Variants in PEX5L observed in about 807,000 individuals in gnomAD.
PEX5L encodes the protein peroxisomal biogenesis factor 5 like.
A neutral mutation model predicts 84.0 loss-of-function variants in PEX5L; 30 were observed. The observed-to-expected ratio is 0.36, with a 90% CI of 0.27 to 0.48. The LOEUF (loss-of-function observed/expected upper bound fraction) is 0.48, where lower values mean the gene tolerates loss of function less well. Ranked by LOEUF, PEX5L falls within the 20% of genes least tolerant of loss-of-function variation. The probability of loss-of-function intolerance (pLI) is 0.99; values close to 1 mark genes in which losing one functional copy is unlikely to be tolerated. For missense variants in PEX5L, 533 were observed against 754.6 expected (o/e 0.71, Z 3.44); for synonymous variants, 270 against 283.1 (o/e 0.95, Z 0.46).
chr3:179,890,970 T>G (rs1441154924), intron 3 of PEX5L, among the ~76,000 whole-genome samples: 1 of 150,316 alleles, frequency 6.7e-6, no homozygotes, highest in African/African-American at 2.4e-5. Context: ...TAAAAAAATT[T>G]TTTTTTTTTT....
chr3:180,029,604 C>G (rs1791273684), intron 1 of PEX5L, among the ~76,000 whole-genome samples: 1 of 152,094 alleles, frequency 6.6e-6, no homozygotes, highest in African/African-American at 2.4e-5. Flanking sequence ...TTCGTCTTGC[C>G]TCTGTGATGT....
intron 2 of PEX5L, among the ~76,000 whole-genome samples, chr3:179,923,964 C>T (rs1318415462): frequency 1.3e-5 from 2 of 152,158 alleles, no homozygotes; most frequent in Admixed American, 6.5e-5. Context: ...ATCATGTTTA[C>T]GTCGGCAGTG....
At chr3:179,973,830 G>C (rs1785371618) in intron 1 of PEX5L, 2 of 985,292 alleles carry the variant, frequency 2.0e-6, no homozygotes, top group Non-Finnish European at 2.4e-6. Context: ...CATTTTCCAA[G>C]AGTGGGAGGA....
intron 1 of PEX5L, among the ~76,000 whole-genome samples, chr3:179,993,482 C>T (rs1178983731): frequency 6.6e-6 from 1 of 151,920 alleles, no homozygotes; most frequent in Non-Finnish European, 1.5e-5. Context: ...TATGCACAAC[C>T]TCCCATATAT....
intron 8 of PEX5L, among the ~76,000 whole-genome samples, chr3:179,844,556 C>T (rs1267046336): frequency 2.0e-5 from 3 of 152,162 alleles, no homozygotes; most frequent in Admixed American, 6.5e-5. Flanking sequence ...CAGCTGGGCG[C>T]GGTGGCTCAC....
At chr3:179,916,287 T>C (rs760443909) in intron 2 of PEX5L, among the ~76,000 whole-genome samples, 11 of 152,196 alleles carry the variant, frequency 7.2e-5, no homozygotes, top group Non-Finnish European at 1.2e-4. Context: ...CTATATGGTA[T>C]AACCTATTGC....
At chr3:180,035,186 A>G (rs1269101318) in intron 1 of PEX5L, among the ~76,000 whole-genome samples, 2 of 152,188 alleles carry the variant, frequency 1.3e-5, no homozygotes, top group Admixed American at 1.3e-4. Context: ...CAGATAATAT[A>G]TAAAATTGTA....
At chr3:179,904,917 C>G (rs780262384) in intron 2 of PEX5L, among the ~76,000 whole-genome samples, 3 of 152,116 alleles carry the variant, frequency 2.0e-5, no homozygotes, top group Non-Finnish European at 4.4e-5. Flanking sequence ...CTGCTTCCAC[C>G]CTCCTGCATG....
intron 10 of PEX5L, among the ~76,000 whole-genome samples, chr3:179,812,217 T>A (rs1373030742): frequency 6.6e-6 from 1 of 152,114 alleles, no homozygotes; most frequent in Non-Finnish European, 1.5e-5. Context: ...GGGGTGGAAA[T>A]ATAACCCAGA....
At chr3:179,898,100 A>G in intron 3 of PEX5L, 42 bp downstream of exon 3, 2 of 1,219,308 alleles carry the variant, frequency 1.6e-6, no homozygotes, top group Non-Finnish European at 2.4e-6. Flanking sequence ...TGATATATTA[A>G]CATATGTCAG....
At position 179,957,013 on chromosome 3, in the gene PEX5L, T is replaced by A. The variant is rs60635140; in HGVS notation, c.93+14581A>T. On this transcript the variant is annotated intron_variant, in intron 2 of 14. Coordinates refer to ENST00000467460, the MANE Select transcript of PEX5L (RefSeq NM_016559.3). ...AGCCAGTGAAAATCCTGGAAAAAAATTGCCTAAGGATCACCTTGATTCAAT... is the reference window on the plus strand; with the variant it reads ...AGCCAGTGAAAATCCTGGAAAAAAAATGCCTAAGGATCACCTTGATTCAAT... Among the ~76,000 whole-genome samples the A allele has an allele frequency of 5.9e-3, 896 of 152,160 alleles. 7 individuals are homozygous for A. The highest frequency in any genetic ancestry group is 0.021 in the African/African-American group (858 of 41,502).
intron 2 of PEX5L, among the ~76,000 whole-genome samples, chr3:179,906,230 C>G (rs1352216600): frequency 6.6e-6 from 1 of 152,198 alleles, no homozygotes; most frequent in African/African-American, 2.4e-5. Flanking sequence ...CTTACCATGT[C>G]CCAGGACTTA....
chr3:179,872,163 C>T (rs1369561317), intron 7 of PEX5L, among the ~76,000 whole-genome samples: 5 of 152,126 alleles, frequency 3.3e-5, no homozygotes, highest in Admixed American at 1.3e-4. Flanking sequence ...GGATTACAGG[C>T]GTGAGCCACT....
intron 1 of PEX5L, among the ~76,000 whole-genome samples, chr3:180,005,040 C>G (rs760321818): frequency 3.3e-5 from 5 of 152,006 alleles, no homozygotes; most frequent in Non-Finnish European, 7.4e-5. Context: ...AGCTCGTGAA[C>G]ACTTTCTATT....
chr3:179,889,703 C>G (rs1258464289), intron 3 of PEX5L, among the ~76,000 whole-genome samples: 1 of 152,044 alleles, frequency 6.6e-6, no homozygotes, highest in Non-Finnish European at 1.5e-5. Context: ...ACTCTGAGCC[C>G]CAGTGCTTTT....
chr3:179,829,951 T>TTC (rs1373806992), intron 8 of PEX5L, among the ~76,000 whole-genome samples: 1 of 134,770 alleles, frequency 7.4e-6, no homozygotes, highest in African/African-American at 2.9e-5. Flanking sequence ...TAATTTTTTT[T>TTC]TTTTTTTTTT....
intron 8 of PEX5L, among the ~76,000 whole-genome samples, chr3:179,846,167 C>T (rs930883357): frequency 2.6e-5 from 4 of 151,678 alleles, no homozygotes; most frequent in Non-Finnish European, 4.4e-5. Context: ...GAGACTCTGT[C>T]TCAAAAAAAC....
chr3:179,880,184 G>A (rs1012121033), intron 4 of PEX5L, 61 bp from the exon 5 acceptor site: 3 of 1,040,456 alleles, frequency 2.9e-6, no homozygotes, highest in Admixed American at 2.6e-5. Context: ...ATTTAAAATA[G>A]GTTTCAGTTG....
intron 2 of PEX5L, among the ~76,000 whole-genome samples, chr3:179,902,989 C>A (rs150231809): frequency 6.6e-6 from 1 of 151,864 alleles, no homozygotes; most frequent in South Asian, 2.1e-4. Flanking sequence ...ATACTTCTTG[C>A]CAAAAATTGA....
Sources: allele counts gnomAD v4.1 joint callset (sites outside exome capture counted in the v4.1 genomes callset), GRCh38; gene constraint gnomAD v4.1.1; transcripts MANE v1.5; gene names NCBI Gene and HGNC (gene_info 2026-07-23, HGNC 2026-07-21).